The following TOX3 variants were observed in gnomAD, a reference collection of about 807,000 sequenced individuals.
The protein encoded by TOX3 is CAG trinucleotide repeat-containing gene F9 protein.
In TOX3, 22 loss-of-function variants were observed where a neutral mutation model predicts 64.3. The ratio of observed to expected loss-of-function variants is 0.34; its 90% CI spans 0.24 to 0.49. TOX3 has a LOEUF of 0.49. Ranked by LOEUF, TOX3 falls within the 20% of genes least tolerant of loss-of-function variation. TOX3 has a pLI of 0.99. For missense variants in TOX3, 661 were observed against 714.4 expected (o/e 0.93, Z 0.85); for synonymous variants, 291 against 273.6 (o/e 1.06, Z -0.63).
intron 1 of TOX3, among the ~76,000 whole-genome samples, chr16:52,484,646 GA>G (rs909774466): frequency 6.7e-5 from 10 of 148,686 alleles, no homozygotes; most frequent in East Asian, 5.9e-4. Context: ...AAAAACATTA[GA>G]AAAAAAAAAT....
At chr16:52,502,351 C>T (rs951068734) in intron 1 of TOX3, among the ~76,000 whole-genome samples, 2 of 152,128 alleles carry the variant, frequency 1.3e-5, no homozygotes, top group African/African-American at 2.4e-5. Context: ...AGCCAGAAAG[C>T]CAGTTTCCAG....
Position 52,452,935 on chromosome 16 carries a change from C to T in TOX3, c.409-2389G>A, listed in dbSNP as rs548483004. 5.9e-5 allele frequency among the ~76,000 whole-genome samples: 9 copies of T among 152,262 alleles called. No individual in the cohort carries two copies. The South Asian group carries it at 1.7e-3, about 28-fold the overall frequency. ...CTCCTTCGTTGTTCCTACAATATTA[C>T]GTTCTACTTGCAGGTGTCTTTCTAC... On this transcript the variant is annotated intron_variant, in intron 3 of 6. Coordinates refer to ENST00000219746, the MANE Select transcript of TOX3 (RefSeq NM_001080430.4).
intron 1 of TOX3, among the ~76,000 whole-genome samples, chr16:52,481,945 C>G (rs1961381845): frequency 6.6e-6 from 1 of 152,136 alleles, no homozygotes; most frequent in Admixed American, 6.6e-5. Flanking sequence ...GGTCTTAGGG[C>G]AGGAAGGACA....
intron 1 of TOX3, among the ~76,000 whole-genome samples, chr16:52,531,775 A>G (rs1962855776): frequency 1.3e-5 from 2 of 152,212 alleles, no homozygotes; most frequent in Non-Finnish European, 1.5e-5. Flanking sequence ...TTAGAAGATT[A>G]AACCAGAAGT....
intron 3 of TOX3, among the ~76,000 whole-genome samples, chr16:52,460,285 A>G (rs1960649802): frequency 6.6e-6 from 1 of 152,194 alleles, no homozygotes; most frequent in Non-Finnish European, 1.5e-5. Context: ...GAAATATAAT[A>G]TATGAAGAAA....
chr16:52,525,653 G>A (rs1390398149), intron 1 of TOX3, among the ~76,000 whole-genome samples: 2 of 152,272 alleles, frequency 1.3e-5, no homozygotes, highest in Middle Eastern at 6.8e-3. Context: ...TTGAGTTCTA[G>A]AGAGTGCACA....
chr16:52,457,031 T>C (rs1010091217), intron 3 of TOX3, among the ~76,000 whole-genome samples: 6 of 152,250 alleles, frequency 3.9e-5, no homozygotes, highest in East Asian at 1.9e-4. Flanking sequence ...TATGAAGATA[T>C]GTCTTAGGGT....
chr16:52,485,967 T>C (rs979730996), intron 1 of TOX3, among the ~76,000 whole-genome samples: 3 of 152,194 alleles, frequency 2.0e-5, no homozygotes, highest in African/African-American at 7.2e-5. Flanking sequence ...CAGGGGAAGC[T>C]GAACAGAATC....
intron 1 of TOX3, among the ~76,000 whole-genome samples, chr16:52,499,188 G>A (rs948876430): frequency 1.3e-5 from 2 of 152,146 alleles, no homozygotes; most frequent in African/African-American, 4.8e-5. Context: ...TGATCACAGG[G>A]GAAAAATTAG....
intron 1 of TOX3, among the ~76,000 whole-genome samples, chr16:52,513,320 G>A (rs1211329898): frequency 6.6e-6 from 1 of 152,194 alleles, no homozygotes; most frequent in Non-Finnish European, 1.5e-5. Context: ...AACTGGAGAT[G>A]TATGGTATAT....
intron 1 of TOX3, among the ~76,000 whole-genome samples, chr16:52,499,621 G>T (rs1215083938): frequency 6.6e-6 from 1 of 152,110 alleles, no homozygotes; most frequent in Non-Finnish European, 1.5e-5. Flanking sequence ...AAATAACAAG[G>T]ATGCTAAAAC....
Position 52,501,447 on chromosome 16 carries a change from G to A in TOX3, c.88-32873C>T, listed in dbSNP as rs138707613. Among the ~76,000 whole-genome samples, 423 of 152,182 alleles carry A rather than the reference G, an allele frequency of 2.8e-3. 2 individuals are homozygous for A. Among genetic ancestry groups the A allele is most frequent in the African/African-American group, 9.2e-3 (382 of 41,522 alleles). ...AGCACTTTGGGAGGCTGAGGCGGGC[G>A]GATCACCTGAGGCCAGGAGTTCGAG... On this transcript the variant is annotated intron_variant, in intron 1 of 6. Transcript: ENST00000219746.
At chr16:52,498,072 A>G (rs916979336) in intron 1 of TOX3, among the ~76,000 whole-genome samples, 1 of 152,160 alleles carries the variant, frequency 6.6e-6, no homozygotes, top group Non-Finnish European at 1.5e-5. Flanking sequence ...ATGTGACCAA[A>G]TCACAAAAAT....
intron 2 of TOX3, among the ~76,000 whole-genome samples, chr16:52,466,175 A>C (rs573716816): frequency 1.9e-4 from 29 of 152,368 alleles, no homozygotes; most frequent in Middle Eastern, 3.4e-3. Context: ...ATAAACACTC[A>C]TTCTTGATAT....
At position 52,545,210 on chromosome 16, in the gene TOX3, A is replaced by G. The variant is rs1053163455; in HGVS notation, c.87+1427T>C. 4.6e-5 allele frequency among the ~76,000 whole-genome samples: 7 copies of G among 152,280 alleles called. No homozygotes were observed. The South Asian group carries it at 1.4e-3, about 32-fold the overall frequency. On this transcript the variant is annotated intron_variant, in intron 1 of 6. Transcript: ENST00000219746. ...GCGATCGGCCTTTTCTTGCCTCTCTATAAATGCTTAGCGTAGCCCTTAGAA... is the reference window on the plus strand; with the variant it reads ...GCGATCGGCCTTTTCTTGCCTCTCTGTAAATGCTTAGCGTAGCCCTTAGAA...
At chr16:52,522,795 AG>A (rs1313199147) in intron 1 of TOX3, among the ~76,000 whole-genome samples, 4 of 152,180 alleles carry the variant, frequency 2.6e-5, no homozygotes, top group Non-Finnish European at 4.4e-5. Context: ...CCTGTTTCCA[AG>A]TACCATGAGA....
intron 1 of TOX3, among the ~76,000 whole-genome samples, chr16:52,543,239 A>C (rs773158650): frequency 6.6e-6 from 1 of 152,172 alleles, no homozygotes; most frequent in African/African-American, 2.4e-5. Context: ...GCTTAGATCT[A>C]GAAGTTTCAG....
chr16:52,524,588 C>T (rs1001818366), intron 1 of TOX3, among the ~76,000 whole-genome samples: 8 of 152,152 alleles, frequency 5.3e-5, no homozygotes, highest in African/African-American at 1.9e-4. Flanking sequence ...CTCCCCTTCC[C>T]ACAGAGGGCT....
intron 1 of TOX3, among the ~76,000 whole-genome samples, chr16:52,485,221 CATGT>C (rs760906774): frequency 1.6e-5 from 2 of 123,624 alleles, no homozygotes; most frequent in Non-Finnish European, 3.2e-5. Context: ...TGTGTATATA[CATGT>C]GTGTGTGTGT....
Sources: allele counts gnomAD v4.1 joint callset (sites outside exome capture counted in the v4.1 genomes callset), GRCh38; gene constraint gnomAD v4.1.1; transcripts MANE v1.5; gene names NCBI Gene and HGNC (gene_info 2026-07-23, HGNC 2026-07-21).